CPQ: variants seen among roughly 807,000 people sequenced by gnomAD.
CPQ encodes the protein carboxypeptidase Q.
Under a neutral mutation model 45.7 loss-of-function variants are expected in CPQ, and 37 were observed. The ratio of observed to expected loss-of-function variants is 0.81; its 90% CI spans 0.62 to 1.07. The LOEUF (loss-of-function observed/expected upper bound fraction) is 1.07, where lower values mean the gene tolerates loss of function less well. CPQ is among the 50% of genes least tolerant of loss of function. The pLI is 0.00. For missense variants in CPQ, 537 were observed against 572.9 expected (o/e 0.94, Z 0.64); for synonymous variants, 186 against 205.8 (o/e 0.90, Z 0.82).
At chr8:96,901,560 A>G (rs571520086) in intron 4 of CPQ, among the ~76,000 whole-genome samples, 1 of 152,344 alleles carries the variant, frequency 6.6e-6, no homozygotes, top group South Asian at 2.1e-4. Context: ...TTTTAAATTA[A>G]GTAAGATTCC....
At chr8:96,741,117 G>A (rs1032230015) in intron 1 of CPQ, among the ~76,000 whole-genome samples, 6 of 152,126 alleles carry the variant, frequency 3.9e-5, no homozygotes, top group Admixed American at 2.0e-4. Context: ...ACTCTTTTTC[G>A]TTGGTAAGCT....
intron 7 of CPQ, among the ~76,000 whole-genome samples, chr8:97,083,870 A>G (rs1047322043): frequency 6.6e-6 from 1 of 152,192 alleles, no homozygotes; most frequent in Non-Finnish European, 1.5e-5. Context: ...AAATATACAT[A>G]GGGTATGCAT....
chr8:97,010,304 G>A (rs943589789), intron 5 of CPQ, among the ~76,000 whole-genome samples: 3 of 152,108 alleles, frequency 2.0e-5, no homozygotes, highest in African/African-American at 7.2e-5. Flanking sequence ...AGTTGAAAAG[G>A]TATGGGCATT....
intron 5 of CPQ, among the ~76,000 whole-genome samples, chr8:97,023,018 G>GTA (rs566006988): frequency 8.5e-5 from 12 of 140,814 alleles, no homozygotes; most frequent in South Asian, 2.1e-4. Flanking sequence ...ACTATATATA[G>GTA]TATATATATA....
In CPQ at chr8:97,143,388, A is replaced by G; in HGVS notation, c.*205A>G. On this transcript the variant is annotated 3_prime_UTR_variant, in exon 8 of 8. Transcript: ENST00000220763. The stretch of plus-strand genomic sequence containing the variant: ...ATCATTCTCCCCTCCCTCCCACCAC[A>G]TAGAATCAACATATGGTAGGGATTA... 1 of 525,698 alleles carries G rather than the reference A, an allele frequency of 1.9e-6. No homozygotes were observed. Among genetic ancestry groups the G allele is most frequent in the Non-Finnish European group, 3.4e-6 (1 of 295,888 alleles). The allele number at this position is 525,698 out of a possible 1,614,324, so 32.6% of individuals were successfully genotyped here. A position where few individuals can be genotyped will look rare whatever the true frequency, so the allele number is the denominator to read the frequency against.
intron 7 of CPQ, among the ~76,000 whole-genome samples, chr8:97,140,488 A>G (rs184263163): frequency 1.3e-5 from 2 of 152,124 alleles, no homozygotes; most frequent in East Asian, 3.9e-4. Flanking sequence ...CAAAATATAT[A>G]AGCCATCAAA....
chr8:96,695,752 C>T lies in CPQ; in HGVS notation c.-35+50350C>T, dbSNP rs1044331454. ...AAAACCACAATGAGATACCATTTCA[C>T]ACCAGTTAGAATGGCGATCATTAAA... is the stretch of plus-strand genomic sequence containing the variant. On this transcript the variant is annotated intron_variant, in intron 1 of 7. Transcript: ENST00000220763. Among the ~76,000 whole-genome samples, 196 of 151,406 alleles carry T rather than the reference C, an allele frequency of 1.3e-3. 2 individuals carry two copies. Among genetic ancestry groups the T allele is most frequent in the Middle Eastern group, 6.8e-3 (2 of 294 alleles).
rs533062575 is a variant in CPQ at position 96,680,347 on chromosome 8, T to A, written c.-35+34945T>A. The A allele has an allele frequency of 4.5e-4, 68 of 152,258 alleles. 1 individual carries two copies. Among genetic ancestry groups the A allele is most frequent in the African/African-American group, 1.6e-3 (66 of 41,540 alleles). 9.4% of individuals were successfully genotyped at this position (152,258 alleles called of 1,614,324 possible). On this transcript the variant is annotated intron_variant, in intron 1 of 7. Coordinates refer to ENST00000220763, the MANE Select transcript of CPQ (RefSeq NM_016134.4). ...AATTCACACGTGTTGTGGGAGGGAC[T>A]CAGTGGGAGGTAATTGAATCATGGG...
At chr8:96,807,240 A>G (rs1156531149) in intron 2 of CPQ, among the ~76,000 whole-genome samples, 3 of 150,418 alleles carry the variant, frequency 2.0e-5, no homozygotes, top group African/African-American at 7.4e-5. Flanking sequence ...TTTAATTTTT[A>G]TTTTTTATTT....
chr8:97,105,952 T>C (rs1811396906), intron 7 of CPQ, among the ~76,000 whole-genome samples: 1 of 152,230 alleles, frequency 6.6e-6, no homozygotes, highest in Non-Finnish European at 1.5e-5. Context: ...AACCTCTTCA[T>C]CTGTGAATGC....
rs184645863 is a variant in CPQ at position 96,966,022 on chromosome 8, G to T, written c.937G>T (p.Ala313Ser). Residue 313 changes from alanine (A) to serine (S), a missense_variant, in exon 5 of 8, where the codon GCA becomes TCA. Physicochemically the swap from Ala to Ser is moderately conservative, Grantham distance 99 (BLOSUM62 1). Transcript: ENST00000220763. ...CGGTGGAGCCTTTATATCATGGGAA[G>T]CACTCTCACTTATTAAAGATCTTGG... ...DGGGAFISWE[A>S]LSLIKDLGLR... The T allele has an allele frequency of 6.2e-7, 1 of 1,612,798 alleles. No homozygotes were observed. Among genetic ancestry groups the T allele is most frequent in the Non-Finnish European group, 8.5e-7 (1 of 1,179,306 alleles).
chr8:96,943,714 C>T (rs532969770), intron 4 of CPQ, among the ~76,000 whole-genome samples: 2 of 152,196 alleles, frequency 1.3e-5, no homozygotes, highest in East Asian at 1.9e-4. Context: ...ATCGTGGGGT[C>T]ATAACATAAC....
chr8:96,876,628 T>A (rs1312415394), intron 3 of CPQ, among the ~76,000 whole-genome samples: 1 of 152,176 alleles, frequency 6.6e-6, no homozygotes, highest in African/African-American at 2.4e-5. Flanking sequence ...TTAGTGATTT[T>A]ATCATAAAAA....
intron 1 of CPQ, among the ~76,000 whole-genome samples, chr8:96,692,456 C>T (rs1185980902): frequency 6.6e-6 from 1 of 151,524 alleles, no homozygotes; most frequent in Non-Finnish European, 1.5e-5. Flanking sequence ...CTTGTGCCAC[C>T]CCTCTCCCAG....
intron 5 of CPQ, among the ~76,000 whole-genome samples, chr8:97,009,184 C>T (rs569739664): frequency 8.5e-5 from 13 of 152,364 alleles, no homozygotes; most frequent in South Asian, 2.1e-4. Context: ...GCCTGTCAGG[C>T]GCTGAGCACT....
intron 4 of CPQ, among the ~76,000 whole-genome samples, chr8:96,919,616 A>G (rs1230248093): frequency 6.6e-6 from 1 of 152,186 alleles, no homozygotes; most frequent in Non-Finnish European, 1.5e-5. Flanking sequence ...TTTATGTCCC[A>G]CAACTATGCG....
At chr8:96,900,987 GCTT>G (rs1465933605) in intron 4 of CPQ, among the ~76,000 whole-genome samples, 4 of 152,092 alleles carry the variant, frequency 2.6e-5, no homozygotes, top group Non-Finnish European at 4.4e-5. Context: ...CCTGGGCTGA[GCTT>G]CTTCTCCATC....
chr8:96,949,387 A>AT (rs894410911), intron 4 of CPQ, among the ~76,000 whole-genome samples: 2 of 150,216 alleles, frequency 1.3e-5, no homozygotes, highest in African/African-American at 2.4e-5. Context: ...TTTTTATTAC[A>AT]TTTTTTCCCT....
chr8:96,708,590 A>G (rs1284748202), intron 1 of CPQ, among the ~76,000 whole-genome samples: 2 of 152,020 alleles, frequency 1.3e-5, no homozygotes, highest in African/African-American at 2.4e-5. Context: ...TATCCCTTGT[A>G]GTTTTATTCT....
Sources: allele counts gnomAD v4.1 joint callset (sites outside exome capture counted in the v4.1 genomes callset), GRCh38; gene constraint gnomAD v4.1.1; transcripts MANE v1.5; gene names NCBI Gene and HGNC (gene_info 2026-07-23, HGNC 2026-07-21).